Variants in NCKAP1L observed in about 807,000 individuals in gnomAD.
NCKAP1L encodes NCK associated protein 1 like.
A neutral mutation model predicts 139.2 loss-of-function variants in NCKAP1L; 53 were observed. The ratio of observed to expected loss-of-function variants is 0.38; its 90% CI spans 0.31 to 0.48. The LOEUF (loss-of-function observed/expected upper bound fraction) is 0.48. Ranked by LOEUF, NCKAP1L falls within the 20% of genes least tolerant of loss-of-function variation. NCKAP1L has a pLI of 0.98. For synonymous variants in NCKAP1L, 468 were observed against 499.7 expected (o/e 0.94, Z 0.85); for missense variants, 1,151 against 1,381.9 (o/e 0.83, Z 2.65).
chr12:54,524,068 T>A, intron 20 of NCKAP1L, 112 bp downstream of exon 20: 2 of 1,106,936 alleles, frequency 1.8e-6, no homozygotes, highest in African/African-American at 1.6e-5. Flanking sequence ...TTCATCCTGG[T>A]GGTCATGCCA....
intron 29 of NCKAP1L, among the ~76,000 whole-genome samples, 176 bp downstream of exon 29, chr12:54,537,229 A>G (rs1229217173): frequency 6.6e-6 from 1 of 152,212 alleles, no homozygotes; most frequent in Non-Finnish European, 1.5e-5. Flanking sequence ...TAAATTTCCT[A>G]ACAGCTGGTG....
In NCKAP1L at chr12:54,523,515, G is replaced by A; in HGVS notation, c.2000G>A (p.Arg667Gln). 5 of 1,613,798 alleles carry A rather than the reference G, an allele frequency of 3.1e-6. No individual in the cohort carries two copies. The highest frequency in any genetic ancestry group is 4.2e-6 in the Non-Finnish European group (5 of 1,179,928). Reference sequence around the variant, plus strand: ...GACAAGCCAGGAGCTGAGAGTCACCGGAAGAACCGCAGCATTGTCACCAAG... The same window carrying A: ...GACAAGCCAGGAGCTGAGAGTCACCAGAAGAACCGCAGCATTGTCACCAAG... ...ERDKPGAESH[R>Q]KNRSIVTNMD... Residue 667 changes from arginine (R) to glutamine (Q), a missense_variant, in exon 19 of 31, where the codon CGG becomes CAG. Transcript: ENST00000293373.
chr12:54,497,771 T>G lies in NCKAP1L; in HGVS notation c.-19T>G, dbSNP rs761004225. 2.6e-6 allele frequency: 4 copies of G among 1,514,618 alleles called. No homozygotes were observed. Among genetic ancestry groups the G allele is most frequent in the Non-Finnish European group, 3.7e-6 (4 of 1,089,820 alleles). 93.8% of individuals were successfully genotyped at this position (1,514,618 alleles called of 1,614,324 possible). A position where few individuals can be genotyped will look rare whatever the true frequency, so the allele number is the denominator to read the frequency against. ...GAGATCAGACATTGCTGTCTGGTGC[T>G]CCTCTCTCAGTGGCCATCATGTCTT... On this transcript the variant is annotated 5_prime_UTR_variant, in exon 1 of 31. Transcript: ENST00000293373.
chr12:54,512,790 G>A (rs1379720192), intron 9 of NCKAP1L, among the ~76,000 whole-genome samples: 1 of 142,498 alleles, frequency 7.0e-6, no homozygotes, highest in African/African-American at 2.7e-5. Context: ...GTGTGTGTGT[G>A]TATGTGTGAG....
At chr12:54,532,061 G>A in intron 25 of NCKAP1L, 109 bp from the exon 26 acceptor site, 1 of 905,094 alleles carries the variant, frequency 1.1e-6, no homozygotes, top group Non-Finnish European at 1.7e-6. Context: ...AGCTGGCTAG[G>A]TTCTTATCTA....
At chr12:54,510,811 C>T (rs1470801117) in intron 7 of NCKAP1L, among the ~76,000 whole-genome samples, 3 of 151,182 alleles carry the variant, frequency 2.0e-5, no homozygotes, top group South Asian at 2.1e-4. Flanking sequence ...CGTGAGCCAC[C>T]GCGCCCAGCC....
chr12:54,504,527 T>C (rs1249405792), intron 3 of NCKAP1L, among the ~76,000 whole-genome samples: 2 of 152,210 alleles, frequency 1.3e-5, no homozygotes, highest in Non-Finnish European at 2.9e-5. Context: ...AAGGAGATTT[T>C]AGAACACCTT....
chr12:54,499,399 G>A lies in NCKAP1L; in HGVS notation c.147G>A (p.Lys49=). 5 of 1,612,732 alleles carry A rather than the reference G, an allele frequency of 3.1e-6. No individual in the cohort carries two copies. Among genetic ancestry groups the A allele is most frequent in the Non-Finnish European group, 4.2e-6 (5 of 1,178,794 alleles). ...PKSKPPFLLE[K]SMEPSLKYIN... ...CTAAGCCACCTTTCTTACTGGAAAA[G>A]TCCATGGAACCATCTCTCAAGTATA... The change falls in exon 2 of 31, where the codon AAG becomes AAA. Residue 49 remains lysine, a synonymous_variant. Transcript: ENST00000293373.
chr12:54,521,071 GGCC>G, intron 17 of NCKAP1L, 45 bp from the exon 18 acceptor site: 1 of 1,611,232 alleles, frequency 6.2e-7, no homozygotes. Flanking sequence ...AGGAAGAAGT[GGCC>G]GTGCTGGTGA....
chr12:54,507,783 C>G, intron 3 of NCKAP1L, 70 bp from the exon 4 acceptor site: 2 of 1,442,818 alleles, frequency 1.4e-6, no homozygotes, highest in Non-Finnish European at 9.8e-7. Flanking sequence ...GTCCCTTTCC[C>G]TCAAGTTCTG....
intron 1 of NCKAP1L, among the ~76,000 whole-genome samples, chr12:54,498,210 C>T (rs1431918791): frequency 6.6e-6 from 1 of 152,108 alleles, no homozygotes; most frequent in African/African-American, 2.4e-5. Context: ...GGTCTGGGGT[C>T]CAACCTTCTG....
At chr12:54,521,288 C>T in intron 18 of NCKAP1L, 50 bp downstream of exon 18, 1 of 1,601,764 alleles carries the variant, frequency 6.2e-7, no homozygotes, top group South Asian at 1.1e-5. Context: ...GCGCTCAGTG[C>T]CTTCCCCTCT....
At chr12:54,517,054 T>G in intron 11 of NCKAP1L, 62 bp downstream of exon 11, 4 of 1,363,368 alleles carry the variant, frequency 2.9e-6, no homozygotes, top group Non-Finnish European at 4.2e-6. Flanking sequence ...TGTAGCTACG[T>G]GGCACTCACG....
Position 54,511,973 on chromosome 12 carries a change from G to T in NCKAP1L, c.809G>T (p.Cys270Phe), listed in dbSNP as rs746308087. 1 of 1,614,194 alleles carries T rather than the reference G, an allele frequency of 6.2e-7. No individual in the cohort carries two copies. Among genetic ancestry groups the T allele is most frequent in the Non-Finnish European group, 8.5e-7 (1 of 1,180,026 alleles). Residue 270 changes from cysteine (C) to phenylalanine (F), a missense_variant, in exon 9 of 31, where the codon TGC becomes TTC. Physicochemically the swap from Cys to Phe is radical, Grantham distance 205 (BLOSUM62 -2). Coordinates refer to ENST00000293373, the MANE Select transcript of NCKAP1L (RefSeq NM_005337.5). The part of the protein sequence containing the change: ...IIIGFLLCHG[C>F]LNSNSQCQKL... ...GTTGGGTTTCTTCTTTGTCATGGGT[G>T]CCTCAACTCCAATAGCCAGTGCCAG...
chr12:54,536,111 C>G lies in NCKAP1L; in HGVS notation c.2957-18C>G. 6.4e-7 allele frequency: 1 copy of G among 1,573,330 alleles called. No homozygotes were observed. Among genetic ancestry groups the G allele is most frequent in the East Asian group, 2.2e-5 (1 of 44,608 alleles). On this transcript the variant is annotated intron_variant, in intron 27 of 30. Coordinates refer to ENST00000293373, the MANE Select transcript of NCKAP1L (RefSeq NM_005337.5). ...GACTTTATTCACTTTTCCTCTTTTCCTTTTTCCCTCTCACCAGATACTTCA... is the reference window on the plus strand; with the variant it reads ...GACTTTATTCACTTTTCCTCTTTTCGTTTTTCCCTCTCACCAGATACTTCA...
At chr12:54,523,679 T>C in intron 19 of NCKAP1L, 140 bp downstream of exon 19, 2 of 1,436,652 alleles carry the variant, frequency 1.4e-6, no homozygotes, top group Non-Finnish European at 1.9e-6. Flanking sequence ...TAAATGCGAA[T>C]TTCCTACTTT....
In NCKAP1L at chr12:54,542,943, A is replaced by C; in HGVS notation, c.*258A>C. On this transcript the variant is annotated 3_prime_UTR_variant, in exon 31 of 31. Coordinates refer to ENST00000293373, the MANE Select transcript of NCKAP1L (RefSeq NM_005337.5). ...TGGGGCCACATGTGTGAATTTTACA[A>C]TGAAAAAAGGAGTAACGTACAAGTA... is the stretch of plus-strand genomic sequence containing the variant. 1 of 402,066 alleles carries C rather than the reference A, an allele frequency of 2.5e-6. No homozygotes were observed. The highest frequency in any genetic ancestry group is 4.5e-6 in the Non-Finnish European group (1 of 222,350). The allele number at this position is 402,066 out of a possible 1,614,324, so 24.9% of individuals were successfully genotyped here.
chr12:54,506,800 T>TATATATATATATATATAC (rs1956844425), intron 3 of NCKAP1L, among the ~76,000 whole-genome samples: 2 of 85,004 alleles, frequency 2.4e-5, no homozygotes, highest in East Asian at 1.1e-3. Context: ...AAAAAAAATA[T>TATATATATATATATATAC]ATATATATAT....
chr12:54,542,521 T>A, intron 30 of NCKAP1L, 54 bp from the exon 31 acceptor site: 1 of 1,323,486 alleles, frequency 7.6e-7, no homozygotes. Context: ...GAACAGGGTA[T>A]CACAGACAAA....
Sources: allele counts gnomAD v4.1 joint callset (sites outside exome capture counted in the v4.1 genomes callset), GRCh38; gene constraint gnomAD v4.1.1; transcripts MANE v1.5; gene names NCBI Gene and HGNC (gene_info 2026-07-23, HGNC 2026-07-21).